The following PRKAR1B variants were observed in gnomAD, a reference collection of about 807,000 sequenced individuals.
PRKAR1B encodes protein kinase cAMP-dependent type I regulatory subunit beta.
A neutral mutation model predicts 46.5 loss-of-function variants in PRKAR1B; 22 were observed. The ratio of observed to expected loss-of-function variants is 0.47; its 90% CI spans 0.34 to 0.68. PRKAR1B has a LOEUF of 0.68. PRKAR1B is among the 30% of genes least tolerant of loss of function. The pLI is 0.01. For synonymous variants in PRKAR1B, 259 were observed against 217.7 expected (o/e 1.19, Z -1.67); for missense variants, 445 against 535.6 (o/e 0.83, Z 1.67).
At chr7:571,399 T>C (rs1198517104) in intron 9 of PRKAR1B, among the ~76,000 whole-genome samples, 1 of 152,170 alleles carries the variant, frequency 6.6e-6, no homozygotes, top group Non-Finnish European at 1.5e-5. Context: ...TTTTGAACAA[T>C]GGGCCGTCCC....
chr7:678,170 G>C (rs532866588), intron 3 of PRKAR1B, among the ~76,000 whole-genome samples: 1 of 152,368 alleles, frequency 6.6e-6, no homozygotes, highest in Admixed American at 6.5e-5. Context: ...TCAGGAGGCT[G>C]AGGCAGGAGA....
chr7:616,070 C>T (rs985133918), intron 4 of PRKAR1B, among the ~76,000 whole-genome samples: 1 of 152,076 alleles, frequency 6.6e-6, no homozygotes, highest in African/African-American at 2.4e-5. Flanking sequence ...GGGCTGTGCT[C>T]TCACCACTGC....
intron 9 of PRKAR1B, among the ~76,000 whole-genome samples, chr7:552,557 G>A (rs192485774): frequency 6.6e-6 from 1 of 151,148 alleles, no homozygotes; most frequent in African/African-American, 2.4e-5. Context: ...TGCTTCTCCC[G>A]TTCCCGGCAC....
chr7:693,325 G>A (rs954986052), intron 2 of PRKAR1B, among the ~76,000 whole-genome samples: 3 of 150,786 alleles, frequency 2.0e-5, no homozygotes, highest in South Asian at 4.2e-4. Context: ...CAGCCACGTC[G>A]ACACATTCAC....
rs539188794 is a variant in PRKAR1B at position 569,289 on chromosome 7, C to T, written c.891+9967G>A. 2.6e-5 allele frequency among the ~76,000 whole-genome samples: 4 copies of T among 152,322 alleles called. No homozygotes were observed. In the Middle Eastern group the frequency reaches 0.01, roughly 389 times the overall value. On this transcript the variant is annotated intron_variant, in intron 9 of 10. Coordinates refer to ENST00000537384, the MANE Select transcript of PRKAR1B (RefSeq NM_001164760.2). ...AGCCTCACACCTGGCCCTCTATCCACGCAGAGAACAGCCTGCCGGCCGCCC... is the reference window on the plus strand; with the variant it reads ...AGCCTCACACCTGGCCCTCTATCCATGCAGAGAACAGCCTGCCGGCCGCCC...
chr7:618,657 C>G (rs1462007830), intron 4 of PRKAR1B, among the ~76,000 whole-genome samples: 1 of 152,194 alleles, frequency 6.6e-6, no homozygotes, highest in Non-Finnish European at 1.5e-5. Context: ...TCCCTGATCT[C>G]TAAGCTCTGA....
chr7:616,101 C>T (rs1782809848), intron 4 of PRKAR1B, among the ~76,000 whole-genome samples: 1 of 152,160 alleles, frequency 6.6e-6, no homozygotes, highest in Non-Finnish European at 1.5e-5. Context: ...CCAGGCCCAG[C>T]CCTGCCCGCG....
At chr7:609,448 T>C (rs1357988357) in intron 4 of PRKAR1B, among the ~76,000 whole-genome samples, 2 of 152,054 alleles carry the variant, frequency 1.3e-5, no homozygotes, top group Non-Finnish European at 2.9e-5. Context: ...CCTGGAAAAC[T>C]GTCCAGCATC....
chr7:710,372 G>A (rs538753787), intron 2 of PRKAR1B, among the ~76,000 whole-genome samples: 58 of 152,338 alleles, frequency 3.8e-4, no homozygotes, highest in African/African-American at 1.2e-3. Flanking sequence ...AGCCCACGGC[G>A]AGGGGGAGGG....
chr7:678,182 T>A (rs571290679), intron 3 of PRKAR1B, among the ~76,000 whole-genome samples: 17 of 152,246 alleles, frequency 1.1e-4, no homozygotes, highest in African/African-American at 3.9e-4. Flanking sequence ...GGCAGGAGAA[T>A]CACCTGAACC....
At chr7:553,062 C>G (rs1784348178) in intron 9 of PRKAR1B, among the ~76,000 whole-genome samples, 1 of 152,250 alleles carries the variant, frequency 6.6e-6, no homozygotes, top group Non-Finnish European at 1.5e-5. Context: ...GGACTCTGGT[C>G]CCTCCAGGGC....
intron 4 of PRKAR1B, among the ~76,000 whole-genome samples, chr7:635,100 T>A (rs1032186011): frequency 6.6e-5 from 10 of 152,366 alleles, no homozygotes; most frequent in Non-Finnish European, 1.2e-4. Flanking sequence ...TTGCAACGTT[T>A]CTGTGTGAAC....
chr7:660,622 C>A lies in PRKAR1B; in HGVS notation c.440+16607G>T, dbSNP rs183994718. On this transcript the variant is annotated intron_variant, in intron 4 of 10. Transcript: ENST00000537384. ...AGATGCAATTACCTACTCTCCCCCC[C>A]ATAGCACAAGTCCCCACCCCAACAG... Among the ~76,000 whole-genome samples, 386 of 115,454 alleles carry A rather than the reference C, an allele frequency of 3.3e-3. 19 individuals carry two copies. The highest frequency in any genetic ancestry group is 0.013 in the African/African-American group (367 of 28,046). The allele number at this position is 115,454 out of a possible 152,430, so 75.7% of individuals were successfully genotyped here. A position where few individuals can be genotyped will look rare whatever the true frequency, so the allele number is the denominator to read the frequency against.
chr7:580,230 CA>C (rs1325090684), intron 8 of PRKAR1B, among the ~76,000 whole-genome samples: 19,642 of 104,642 alleles, frequency 0.19, 1,432 homozygotes, highest in East Asian at 0.3. Context: ...CACCCTGTCT[CA>C]AAAAAAAAAA....
rs1780630032 is a variant in PRKAR1B, at chr7:711,544, C to T, written c.-22-17G>A. 1.9e-6 allele frequency: 3 copies of T among 1,604,614 alleles called. No homozygotes were observed. ...GCTTCCTTCCTGTCCAGAAAACACA[C>T]AGATCCCCAGGCCTGAGAGCTGCCC... On this transcript the variant is annotated splice_polypyrimidine_tract_variant and intron_variant, in intron 1 of 10. Transcript: ENST00000537384.
chr7:653,750 G>A (rs1049660414), intron 4 of PRKAR1B, among the ~76,000 whole-genome samples: 3 of 152,174 alleles, frequency 2.0e-5, no homozygotes, highest in African/African-American at 7.2e-5. Flanking sequence ...ATGATTTCTA[G>A]GAAAGCACAA....
At chr7:567,693 A>C (rs960249585) in intron 9 of PRKAR1B, among the ~76,000 whole-genome samples, 1 of 152,244 alleles carries the variant, frequency 6.6e-6, no homozygotes, top group Non-Finnish European at 1.5e-5. Flanking sequence ...TTCAGCCTTG[A>C]AAAGGAAGGA....
chr7:671,313 C>A (rs1786242490), intron 4 of PRKAR1B, among the ~76,000 whole-genome samples: 1 of 152,212 alleles, frequency 6.6e-6, no homozygotes, highest in Non-Finnish European at 1.5e-5. Context: ...CAGGGGGCTC[C>A]CCACGCCCAA....
At chr7:630,516 G>A (rs1188207782) in intron 4 of PRKAR1B, among the ~76,000 whole-genome samples, 1 of 152,220 alleles carries the variant, frequency 6.6e-6, no homozygotes, top group East Asian at 1.9e-4. Flanking sequence ...ACGGCTCCCT[G>A]TACAAACTCA....
Sources: gnomAD v4.1 joint callset for allele counts (sites outside exome capture counted in the v4.1 genomes callset) on GRCh38, gnomAD v4.1.1 for gene constraint, MANE v1.5 for transcripts, NCBI Gene and HGNC (gene_info 2026-07-23, HGNC 2026-07-21) for gene names.